HRH1: variants seen among roughly 807,000 people sequenced by gnomAD.
HRH1 encodes the protein histamine H1 receptor.
A neutral mutation model predicts 10.3 loss-of-function variants in HRH1; 6 were observed. The ratio of observed to expected loss-of-function variants is 0.58; its 90% CI spans 0.32 to 1.15. The LOEUF (loss-of-function observed/expected upper bound fraction) is 1.15. HRH1 is among the 50% of genes most tolerant of loss of function. HRH1 has a pLI of 0.05. For missense variants in HRH1, 514 were observed against 615.3 expected (o/e 0.84, Z 1.74); for synonymous variants, 242 against 236.7 (o/e 1.02, Z -0.21).
intron 1 of HRH1, among the ~76,000 whole-genome samples, chr3:11,221,569 G>GTATA (rs112706419): frequency 0.092 from 13,847 of 150,140 alleles, 1,128 homozygotes; most frequent in African/African-American, 0.23. Context: ...AAAAAAAAAT[G>GTATA]TATATATATA....
At chr3:11,245,355 A>G (rs1479185999) in intron 1 of HRH1, among the ~76,000 whole-genome samples, 1 of 151,998 alleles carries the variant, frequency 6.6e-6, no homozygotes, top group African/African-American at 2.4e-5. Flanking sequence ...TTCATCTAAA[A>G]AAAAAAAATA....
chr3:11,233,473 T>C (rs1472939516), intron 1 of HRH1, among the ~76,000 whole-genome samples: 2 of 152,180 alleles, frequency 1.3e-5, no homozygotes, highest in Admixed American at 6.5e-5. Context: ...GAATACTTAG[T>C]TCACGTTTCC....
intron 1 of HRH1, among the ~76,000 whole-genome samples, chr3:11,166,646 A>G (rs1021403169): frequency 6.8e-6 from 1 of 146,930 alleles, no homozygotes; most frequent in Non-Finnish European, 1.5e-5. Flanking sequence ...TGGCTTCTCC[A>G]GGCTGTGACA....
intron 1 of HRH1, among the ~76,000 whole-genome samples, chr3:11,258,229 C>CAGTG (rs1245749444): frequency 1.0e-5 from 1 of 100,314 alleles, no homozygotes; most frequent in East Asian, 3.1e-4. Flanking sequence ...ACTGCCACAA[C>CAGTG]AGTGATGTAA....
chr3:11,204,366 C>CTGGAGACAGTGCTGTT (rs1462763593), intron 1 of HRH1, among the ~76,000 whole-genome samples: 1 of 152,100 alleles, frequency 6.6e-6, no homozygotes, highest in Admixed American at 6.5e-5. Flanking sequence ...GGAAGGCTTC[C>CTGGAGACAGTGCTGTT]TGGAGACAGT....
chr3:11,213,927 A>G lies in HRH1; in HGVS notation c.-35-45076A>G, dbSNP rs547008094. Among the ~76,000 whole-genome samples, 3 of 152,324 alleles carry G rather than the reference A, an allele frequency of 2.0e-5. No individual in the cohort carries two copies. The East Asian group carries it at 5.8e-4, about 29-fold the overall frequency. ...GCTTCCAAAGGACTATCACGTAAAGAGATGGCAGGTTTTCTACCCAGGTGG... is the reference window on the plus strand; with the variant it reads ...GCTTCCAAAGGACTATCACGTAAAGGGATGGCAGGTTTTCTACCCAGGTGG... On this transcript the variant is annotated intron_variant, in intron 1 of 1. Coordinates refer to ENST00000431010, the MANE Select transcript of HRH1 (RefSeq NM_001098212.2).
chr3:11,232,177 A>G (rs1364604771), intron 1 of HRH1, among the ~76,000 whole-genome samples: 1 of 151,964 alleles, frequency 6.6e-6, no homozygotes, highest in Non-Finnish European at 1.5e-5. Context: ...TAGTAGAGAC[A>G]GGGTTTCACC....
chr3:11,245,547 C>T (rs886079495), intron 1 of HRH1, among the ~76,000 whole-genome samples: 1 of 152,138 alleles, frequency 6.6e-6, no homozygotes, highest in Non-Finnish European at 1.5e-5. Flanking sequence ...AAGCTTGGCT[C>T]CTTACTGTTT....
chr3:11,179,963 G>T (rs1274211345), intron 1 of HRH1, among the ~76,000 whole-genome samples: 3 of 151,726 alleles, frequency 2.0e-5, no homozygotes, highest in Non-Finnish European at 4.4e-5. Flanking sequence ...GGATCTCACT[G>T]TGTTGCCCAG....
chr3:11,137,585 G>A (rs1324786548), intron 1 of HRH1, among the ~76,000 whole-genome samples: 1 of 152,136 alleles, frequency 6.6e-6, no homozygotes, highest in Admixed American at 6.5e-5. Flanking sequence ...TTGGATGGTG[G>A]CACAAGGTGG....
At chr3:11,158,099 T>C (rs953133308) in intron 1 of HRH1, among the ~76,000 whole-genome samples, 1 of 152,240 alleles carries the variant, frequency 6.6e-6, no homozygotes, top group Non-Finnish European at 1.5e-5. Context: ...AGCTTTCTTA[T>C]CTGTAAAATG....
At chr3:11,250,921 T>C (rs1178022653) in intron 1 of HRH1, among the ~76,000 whole-genome samples, 1 of 152,196 alleles carries the variant, frequency 6.6e-6, no homozygotes, top group Non-Finnish European at 1.5e-5. Flanking sequence ...TACGCATCCA[T>C]AAACTCTGAG....
In HRH1 at chr3:11,259,676, C is replaced by T; in HGVS notation, c.639C>T (p.Ile213=). 6.2e-7 allele frequency: 1 copy of T among 1,614,148 alleles called. No individual in the cohort carries two copies. Among genetic ancestry groups the T allele is most frequent in the African/African-American group, 1.3e-5 (1 of 75,044 alleles). ...TLLMLWFYAK[I]YKAVRQHCQH... ...TCATGCTCTGGTTCTATGCCAAGAT[C>T]TACAAGGCCGTACGACAACACTGCC... The change falls in exon 2 of 2, where the codon ATC becomes ATT. Residue 213 remains isoleucine, a synonymous_variant. Coordinates refer to ENST00000431010, the MANE Select transcript of HRH1 (RefSeq NM_001098212.2). The surrounding 1 kb of genome is among the most constrained non-coding windows in gnomAD (Gnocchi z 4.6).
intron 1 of HRH1, among the ~76,000 whole-genome samples, chr3:11,244,467 T>G (rs1939429316): frequency 6.6e-6 from 1 of 152,198 alleles, no homozygotes; most frequent in African/African-American, 2.4e-5. Flanking sequence ...AGGTCAAGGA[T>G]GAGTCCTCTG....
intron 1 of HRH1, among the ~76,000 whole-genome samples, chr3:11,170,156 T>C (rs1348492929): frequency 6.6e-6 from 1 of 152,216 alleles, no homozygotes; most frequent in African/African-American, 2.4e-5. Context: ...CTCAGTGTTA[T>C]GATCCGTTCA....
rs946286265 is a variant in HRH1, at chr3:11,261,629, G to C, written c.*1128G>C. 2.4e-5 allele frequency: 4 copies of C among 166,668 alleles called. No homozygotes were observed. Among genetic ancestry groups the C allele is most frequent in the African/African-American group, 9.7e-5 (4 of 41,400 alleles). The allele number at this position is 166,668 out of a possible 1,614,324, so 10.3% of individuals were successfully genotyped here. ...AGGTGGGCAGATCATTTGAGGCCAGGAGTTCAAGACCAGTCTGGCCAATAT... is the reference window on the plus strand; with the variant it reads ...AGGTGGGCAGATCATTTGAGGCCAGCAGTTCAAGACCAGTCTGGCCAATAT... On this transcript the variant is annotated 3_prime_UTR_variant, in exon 2 of 2. Coordinates refer to ENST00000431010, the MANE Select transcript of HRH1 (RefSeq NM_001098212.2).
chr3:11,171,576 C>T (rs1235614295), intron 1 of HRH1, among the ~76,000 whole-genome samples: 1 of 152,192 alleles, frequency 6.6e-6, no homozygotes, highest in African/African-American at 2.4e-5. Context: ...TTAACAAGCT[C>T]CCCGCATTAC....
intron 1 of HRH1, among the ~76,000 whole-genome samples, chr3:11,146,286 T>C (rs1033959965): frequency 2.0e-5 from 3 of 152,204 alleles, no homozygotes; most frequent in African/African-American, 4.8e-5. Flanking sequence ...GGGTTAATTT[T>C]CATTCTTGAT....
chr3:11,152,177 C>A (rs536636426), upstream of HRH1, among the ~76,000 whole-genome samples: 4 of 152,314 alleles, frequency 2.6e-5, no homozygotes, highest in South Asian at 8.3e-4. Flanking sequence ...CAGTACCTAC[C>A]TCATGGGATT....
Sources: allele counts gnomAD v4.1 joint callset (sites outside exome capture counted in the v4.1 genomes callset), GRCh38; gene constraint gnomAD v4.1.1; non-coding constraint Gnocchi (gnomAD v3.1); transcripts MANE v1.5; gene names NCBI Gene and HGNC (gene_info 2026-07-23, HGNC 2026-07-21).